The following SMYD3 variants were observed in gnomAD, a reference collection of about 807,000 sequenced individuals.
SMYD3 encodes SET and MYND domain containing 3.
Under a neutral mutation model 57.7 loss-of-function variants are expected in SMYD3, and 36 were observed. The ratio of observed to expected loss-of-function variants is 0.62; its 90% CI spans 0.48 to 0.82. The LOEUF (loss-of-function observed/expected upper bound fraction) is 0.82, where lower values mean the gene tolerates loss of function less well. SMYD3 is among the 40% of genes least tolerant of loss of function. The pLI is 0.00. For synonymous variants in SMYD3, 211 were observed against 195.0 expected (o/e 1.08, Z -0.68); for missense variants, 515 against 538.8 (o/e 0.96, Z 0.44).
At chr1:246,498,810 G>A (rs998510742) in intron 1 of SMYD3, among the ~76,000 whole-genome samples, 7 of 151,190 alleles carry the variant, frequency 4.6e-5, no homozygotes, top group Admixed American at 1.3e-4. Flanking sequence ...CAGACGCTAC[G>A]GTCTGAATGC....
chr1:246,057,752 T>C (rs1456567214), intron 5 of SMYD3, among the ~76,000 whole-genome samples: 2 of 152,172 alleles, frequency 1.3e-5, no homozygotes, highest in Non-Finnish European at 2.9e-5. Context: ...CTCCTTGTTA[T>C]TTACCCAAAG....
intron 1 of SMYD3, among the ~76,000 whole-genome samples, chr1:246,499,100 A>G (rs900802263): frequency 2.6e-5 from 4 of 151,942 alleles, no homozygotes; most frequent in African/African-American, 9.7e-5. Context: ...ATTAAGCCAG[A>G]CTTTAGAGAG....
chr1:245,834,301 A>G (rs7537586), intron 10 of SMYD3, among the ~76,000 whole-genome samples: 124,131 of 152,166 alleles, frequency 0.82, 52,704 homozygotes, highest in Non-Finnish European at 0.95. Flanking sequence ...TCTGTGAGCT[A>G]TGCACGGATA....
At chr1:245,753,181 G>T (rs764472104) in intron 11 of SMYD3, among the ~76,000 whole-genome samples, 2 of 151,432 alleles carry the variant, frequency 1.3e-5, no homozygotes, top group South Asian at 2.1e-4. Context: ...AGAGGATCTC[G>T]TCCATAGGGT....
intron 8 of SMYD3, among the ~76,000 whole-genome samples, chr1:245,892,140 G>A (rs1226000382): frequency 6.6e-6 from 1 of 152,140 alleles, no homozygotes; most frequent in Non-Finnish European, 1.5e-5. Context: ...GAAGAAAGCA[G>A]AGACAACTAA....
intron 5 of SMYD3, among the ~76,000 whole-genome samples, chr1:245,988,086 T>C (rs1384836188): frequency 6.8e-6 from 1 of 147,302 alleles, no homozygotes; most frequent in Non-Finnish European, 1.5e-5. Flanking sequence ...CTTTACGTTA[T>C]TAAACAGACA....
chr1:246,345,513 C>G (rs1296211663), intron 2 of SMYD3, among the ~76,000 whole-genome samples: 1 of 152,074 alleles, frequency 6.6e-6, no homozygotes, highest in East Asian at 1.9e-4. Context: ...CTGAACCATC[C>G]CAAACCTAAA....
At position 245,879,947 on chromosome 1, in the gene SMYD3, T is replaced by C. The variant is rs34209694; in HGVS notation, c.814-16061A>G. Among the ~76,000 whole-genome samples the C allele has an allele frequency of 1.0e-2, 1,383 of 138,400 alleles. 27 individuals are homozygous for C. Among genetic ancestry groups the C allele is most frequent in the East Asian group, 0.053 (238 of 4,464 alleles). 90.8% of individuals were successfully genotyped at this position (138,400 alleles called of 152,430 possible). A position where few individuals can be genotyped will look rare whatever the true frequency, so the allele number is the denominator to read the frequency against. ...ACACACCAGAGATAGCACAGGTGCG[T>C]TGCTGTACACACCAGAGATAGCACA... On this transcript the variant is annotated intron_variant, in intron 8 of 11. Coordinates refer to ENST00000490107, the MANE Select transcript of SMYD3 (RefSeq NM_001167740.2).
At chr1:245,970,234 G>A (rs937842790) in intron 5 of SMYD3, among the ~76,000 whole-genome samples, 1 of 152,194 alleles carries the variant, frequency 6.6e-6, no homozygotes, top group Non-Finnish European at 1.5e-5. Flanking sequence ...TTTAATAAAT[G>A]GTGTTGGAAA....
At chr1:245,824,019 G>T (rs188276254) in intron 10 of SMYD3, among the ~76,000 whole-genome samples, 1 of 152,286 alleles carries the variant, frequency 6.6e-6, no homozygotes, top group East Asian at 1.9e-4. Flanking sequence ...AAGGTCCAGG[G>T]TCACATTTTT....
intron 1 of SMYD3, among the ~76,000 whole-genome samples, chr1:246,390,010 G>C (rs1237981303): frequency 2.0e-5 from 3 of 151,914 alleles, no homozygotes; most frequent in Admixed American, 1.3e-4. Flanking sequence ...CGGGATGGGG[G>C]GCAAAACTCC....
Position 245,967,454 on chromosome 1 carries a change from T to C in SMYD3, c.532-37517A>G, listed in dbSNP as rs149381362. ...CCTATGATCAGTAACTGCTGAGTGA[T>C]TGTGAACAAGCCATCCAAGAAAAGT... On this transcript the variant is annotated intron_variant, in intron 5 of 11. Coordinates refer to ENST00000490107, the MANE Select transcript of SMYD3 (RefSeq NM_001167740.2). Among the ~76,000 whole-genome samples, 647 of 152,326 alleles carry C rather than the reference T, an allele frequency of 4.2e-3. 9 individuals carry two copies. The highest frequency in any genetic ancestry group is 0.014 in the African/African-American group (600 of 41,568).
At chr1:246,026,835 G>A (rs1176198443) in intron 5 of SMYD3, among the ~76,000 whole-genome samples, 1 of 152,182 alleles carries the variant, frequency 6.6e-6, no homozygotes, top group Non-Finnish European at 1.5e-5. Context: ...ATCTCTCGCT[G>A]TGATTCAAGA....
In SMYD3 at chr1:245,749,642, G is replaced by A. The variant is rs114883730; in HGVS notation, c.1208C>T (p.Thr403Ile). ...AATCAGGCTGTGTTCTCTGCCATGT[G>A]TCACTCTCATAATATCAAAAGCCTA... ...LRLAFDIMRV[T>I]HGREHSLIED... is the part of the protein sequence containing the mutation. Residue 403 changes from threonine to isoleucine, a missense_variant, in exon 12 of 12, where the codon ACA (threonine) becomes ATA (isoleucine). By Grantham distance (89) the Thr-to-Ile change is moderately conservative. Coordinates refer to ENST00000490107, the MANE Select transcript of SMYD3 (RefSeq NM_001167740.2). 4 of 1,614,012 alleles carry A rather than the reference G, an allele frequency of 2.5e-6. No individual in the cohort carries two copies. The African/African-American group carries it at 4.0e-5, about 16-fold the overall frequency.
intron 5 of SMYD3, among the ~76,000 whole-genome samples, chr1:246,020,194 A>G (rs1319196424): frequency 2.0e-5 from 3 of 152,268 alleles, no homozygotes; most frequent in Admixed American, 6.5e-5. Context: ...GCTGACTGCA[A>G]TAAGACTTAT....
At chr1:245,751,619 A>AG (rs750326319) in intron 11 of SMYD3, among the ~76,000 whole-genome samples, 2 of 130,716 alleles carry the variant, frequency 1.5e-5, no homozygotes, top group Admixed American at 7.4e-5. Flanking sequence ...AGAGAGAGAG[A>AG]AAAAGAGAGA....
intron 5 of SMYD3, among the ~76,000 whole-genome samples, chr1:246,264,990 A>G (rs12034523): frequency 0.21 from 31,844 of 152,198 alleles, 4,071 homozygotes; most frequent in East Asian, 0.57. Flanking sequence ...ACTACAGGAG[A>G]GTGATTTTTA....
chr1:245,861,148 A>G (rs2051523477), intron 9 of SMYD3, among the ~76,000 whole-genome samples: 1 of 152,220 alleles, frequency 6.6e-6, no homozygotes, highest in Non-Finnish European at 1.5e-5. Context: ...CACCCCAGTG[A>G]GCCAAAAAAT....
At chr1:245,949,343 G>A (rs562722281) in intron 5 of SMYD3, among the ~76,000 whole-genome samples, 13 of 152,232 alleles carry the variant, frequency 8.5e-5, no homozygotes, top group African/African-American at 3.1e-4. Context: ...GGACTGGTGC[G>A]CCCGGGGTCC....
Sources: allele counts gnomAD v4.1 joint callset (sites outside exome capture counted in the v4.1 genomes callset), GRCh38; gene constraint gnomAD v4.1.1; transcripts MANE v1.5; gene names NCBI Gene and HGNC (gene_info 2026-07-23, HGNC 2026-07-21).